The following RHOBTB2 variants were observed in gnomAD, a reference collection of about 807,000 sequenced individuals.
The protein encoded by RHOBTB2 is Rho related BTB domain containing 2.
A neutral mutation model predicts 66.5 loss-of-function variants in RHOBTB2; 39 were observed. The observed-to-expected ratio is 0.59, with a 90% confidence interval of 0.45 to 0.77. RHOBTB2 has a LOEUF of 0.77. Ranked by LOEUF, RHOBTB2 falls within the 30% of genes least tolerant of loss-of-function variation. The pLI is 0.00. For missense variants in RHOBTB2, 755 were observed against 999.1 expected (o/e 0.76, Z 3.29); for synonymous variants, 390 against 395.0 (o/e 0.99, Z 0.15).
In RHOBTB2 at chr8:23,018,641, T is replaced by G. The variant is rs1276133121; in HGVS notation, c.*1172T>G. ...GGGCTGGTGATTGAGGGGCCCGGGC[T>G]GGCGGCAAAGAGGGGTTTGGTCTCG... On this transcript the variant is annotated 3_prime_UTR_variant, in exon 10 of 10. Coordinates refer to ENST00000251822, the MANE Select transcript of RHOBTB2 (RefSeq NM_015178.3). 1 of 152,254 alleles carries G rather than the reference T, an allele frequency of 6.6e-6. No individual in the cohort carries two copies. The highest frequency in any genetic ancestry group is 1.9e-4 in the East Asian group (1 of 5,180). 9.4% of individuals were successfully genotyped at this position (152,254 alleles called of 1,614,324 possible). A position where few individuals can be genotyped will look rare whatever the true frequency, so the allele number is the denominator to read the frequency against.
At position 22,994,489 on chromosome 8, in the gene RHOBTB2, C is replaced by T. The variant is rs1268434214; in HGVS notation, c.-23-72C>T. The T allele has an allele frequency of 1.9e-5, 17 of 881,208 alleles. No homozygotes were observed. The South Asian group carries it at 2.1e-4, about 11-fold the overall frequency. 54.6% of individuals were successfully genotyped at this position (881,208 alleles called of 1,614,324 possible). On this transcript the variant is annotated intron_variant, in intron 2 of 11. Transcript: ENST00000519685. ...GGCTGAGCGACCTTGGAGTAATTCG[C>T]GGTGTGCTCATTCCCTTTCTCCCCT... is the stretch of plus-strand genomic sequence containing the variant.
At chr8:22,990,330 C>A (rs1463725270) in intron 1 of RHOBTB2, among the ~76,000 whole-genome samples, 3 of 152,150 alleles carry the variant, frequency 2.0e-5, no homozygotes, top group South Asian at 2.1e-4. Context: ...TGCTGGTGCA[C>A]CCGTGCCACC....
intron 8 of RHOBTB2, 122 bp downstream of exon 8, chr8:23,014,900 C>T (rs1811247285): frequency 3.9e-6 from 3 of 776,910 alleles, no homozygotes; most frequent in African/African-American, 1.7e-5. Context: ...GGACTGGGCT[C>T]TTTGACTGCG....
intron 2 of RHOBTB2, among the ~76,000 whole-genome samples, chr8:22,993,870 C>A (rs961442782): frequency 6.6e-6 from 1 of 152,238 alleles, no homozygotes. Flanking sequence ...TTTGGCTAAA[C>A]TGGTCCCAAG....
At chr8:22,980,793 C>T in the RHOBTB2 span, among the ~76,000 whole-genome samples, 1 of 152,224 alleles carries the variant, frequency 6.6e-6, no homozygotes, top group African/African-American at 2.4e-5. Context: ...TTTCTTCTAA[C>T]AACTTTGTGT....
chr8:22,998,494 G>A (rs371562191), upstream of RHOBTB2, among the ~76,000 whole-genome samples: 292 of 152,224 alleles, frequency 1.9e-3, 1 homozygote, highest in African/African-American at 6.6e-3. Flanking sequence ...AGTACTTTGG[G>A]AGGCCAAGGC....
intron 3 of RHOBTB2, 142 bp from the exon 4 acceptor site, chr8:23,005,818 T>G: frequency 1.3e-6 from 1 of 746,940 alleles, no homozygotes; most frequent in Non-Finnish European, 2.3e-6. Context: ...GGTATTGTGA[T>G]TATATGTTTT....
upstream of RHOBTB2, among the ~76,000 whole-genome samples, chr8:22,986,819 C>G (rs772918584): frequency 1.1e-4 from 16 of 152,232 alleles, no homozygotes; most frequent in Middle Eastern, 3.2e-3. Flanking sequence ...AGATTTTACA[C>G]TAGATCAGTC....
At chr8:23,011,914 C>T (rs527296673) in intron 7 of RHOBTB2, among the ~76,000 whole-genome samples, 222 of 152,184 alleles carry the variant, frequency 1.5e-3, no homozygotes, top group African/African-American at 5.2e-3. Context: ...AACAGCAATC[C>T]GTGAGGAAAA....
chr8:23,008,997 G>C (rs187279052), intron 6 of RHOBTB2, among the ~76,000 whole-genome samples: 1 of 152,162 alleles, frequency 6.6e-6, no homozygotes, highest in Admixed American at 6.5e-5. Flanking sequence ...TCCCTATAGG[G>C]CCAGCAAGGC....
chr8:23,014,641 G>T (rs1273493878), intron 7 of RHOBTB2, 49 bp from the exon 8 acceptor site: 1 of 1,538,024 alleles, frequency 6.5e-7, no homozygotes, highest in East Asian at 2.3e-5. Context: ...GGCAGGGTGA[G>T]CACAGGTCAT....
At chr8:22,985,316 C>T (rs1431972477), upstream of RHOBTB2, among the ~76,000 whole-genome samples, 3 of 152,228 alleles carry the variant, frequency 2.0e-5, no homozygotes, top group Admixed American at 1.3e-4. Context: ...GGAGGCACTG[C>T]GTCACAGGCG....
the RHOBTB2 span, among the ~76,000 whole-genome samples, chr8:22,953,677 G>A: frequency 6.6e-6 from 1 of 152,030 alleles, no homozygotes; most frequent in Non-Finnish European, 1.5e-5. Flanking sequence ...ACTGAGTGCT[G>A]TACATCATAG....
Position 22,999,779 on chromosome 8 carries a change from C to G in RHOBTB2, c.-337C>G. 4.1e-6 allele frequency: 4 copies of G among 985,516 alleles called. No individual in the cohort carries two copies. Among genetic ancestry groups the G allele is most frequent in the Non-Finnish European group, 4.8e-6 (4 of 831,558 alleles). The allele number at this position is 985,516 out of a possible 1,614,324, so 61.0% of individuals were successfully genotyped here. On this transcript the variant is annotated 5_prime_UTR_variant, in exon 1 of 10. Transcript: ENST00000251822. ...CCCCTCTCCCGGCGCCCCTGCGCGC[C>G]GCCCGCTGCCTCCGCAGCCCGGCTC... is the stretch of plus-strand genomic sequence containing the variant.
intron 2 of RHOBTB2, among the ~76,000 whole-genome samples, chr8:22,992,619 C>T (rs1810452530): frequency 6.6e-6 from 1 of 152,192 alleles, no homozygotes; most frequent in African/African-American, 2.4e-5. Flanking sequence ...TTGATGGTGG[C>T]TTCCAGGCCC....
intron 9 of RHOBTB2, 102 bp downstream of exon 9, chr8:23,015,845 AC>A: frequency 1.2e-6 from 1 of 846,770 alleles, no homozygotes; most frequent in Non-Finnish European, 1.9e-6. Flanking sequence ...GTAATCCTTG[AC>A]CTTGGGGCTG....
chr8:22,978,760 A>G, the RHOBTB2 span, among the ~76,000 whole-genome samples: 3 of 152,188 alleles, frequency 2.0e-5, no homozygotes, highest in African/African-American at 7.2e-5. Context: ...ATCATTTACG[A>G]GTAAATATCT....
chr8:23,013,516 G>A (rs1172402990), intron 7 of RHOBTB2, among the ~76,000 whole-genome samples: 1 of 151,642 alleles, frequency 6.6e-6, no homozygotes, highest in African/African-American at 2.4e-5. Flanking sequence ...TTTATTTTTG[G>A]AGATGGAGTC....
Position 23,015,661 on chromosome 8 carries a change from C to T in RHOBTB2, c.1884C>T (p.Ala628=), listed in dbSNP as rs748641183. The change falls in exon 9 of 10, where the codon GCC becomes GCT. Residue 628 remains alanine, a synonymous_variant. Coordinates refer to ENST00000251822, the MANE Select transcript of RHOBTB2 (RefSeq NM_015178.3). ...AGTTCCACTGTGCGTACCAGCTGGC[C>T]GACTGGTGTCTCCACCACATCTGCA... ...LAQFHCAYQL[A]DWCLHHICTN... The T allele has an allele frequency of 3.1e-6, 5 of 1,613,460 alleles. No homozygotes were observed. The highest frequency in any genetic ancestry group is 2.7e-5 in the African/African-American group (2 of 74,894).
Sources: gnomAD v4.1 joint callset for allele counts (sites outside exome capture counted in the v4.1 genomes callset) on GRCh38, gnomAD v4.1.1 for gene constraint, MANE v1.5 for transcripts, NCBI Gene and HGNC (gene_info 2026-07-23, HGNC 2026-07-21) for gene names.